The following TRHDE variants were observed in gnomAD, a reference collection of about 807,000 sequenced individuals.
TRHDE encodes the protein thyrotropin-releasing hormone-degrading ectoenzyme.
In TRHDE, 72 loss-of-function variants were observed where a neutral mutation model predicts 125.7. The ratio of observed to expected loss-of-function variants is 0.57; its 90% CI spans 0.47 to 0.70. The LOEUF (loss-of-function observed/expected upper bound fraction) is 0.70. TRHDE is among the 30% of genes least tolerant of loss of function. The probability of loss-of-function intolerance (pLI) is 0.00; values close to 1 mark genes in which losing one functional copy is unlikely to be tolerated. For missense variants in TRHDE, 1,110 were observed against 1,327.1 expected (o/e 0.84, Z 2.54); for synonymous variants, 509 against 509.1 (o/e 1.00, Z 0.00).
At chr12:72,107,034 T>C (rs2139292663) in intron 2 of TRHDE, among the ~76,000 whole-genome samples, 1 of 152,092 alleles carries the variant, frequency 6.6e-6, no homozygotes, top group South Asian at 2.1e-4. Context: ...TCAAGCCAAG[T>C]GCTGGAATTG....
At chr12:72,518,244 G>T (rs1360307874) in intron 6 of TRHDE, among the ~76,000 whole-genome samples, 3 of 146,448 alleles carry the variant, frequency 2.0e-5, no homozygotes, top group East Asian at 4.0e-4. Flanking sequence ...TGACAGTGGG[G>T]TGTTAAAGTC....
chr12:72,318,593 G>A (rs1474169484), intron 2 of TRHDE, among the ~76,000 whole-genome samples: 1 of 152,114 alleles, frequency 6.6e-6, no homozygotes, highest in Non-Finnish European at 1.5e-5. Context: ...TGAGTGTGAG[G>A]CTAACTCCCA....
intron 2 of TRHDE, among the ~76,000 whole-genome samples, chr12:72,314,050 G>T (rs1440677443): frequency 6.6e-6 from 1 of 152,140 alleles, no homozygotes; most frequent in Admixed American, 6.6e-5. Context: ...GGATAATAAA[G>T]TTATGTTTCT....
intron 6 of TRHDE, among the ~76,000 whole-genome samples, chr12:72,522,118 C>T (rs1868262170): frequency 6.6e-6 from 1 of 152,166 alleles, no homozygotes; most frequent in Admixed American, 6.5e-5. Context: ...GATGAGGACA[C>T]TGAGGCAGTA....
chr12:72,435,730 T>A (rs1270564623), intron 3 of TRHDE, among the ~76,000 whole-genome samples: 1 of 151,730 alleles, frequency 6.6e-6, no homozygotes, highest in Non-Finnish European at 1.5e-5. Flanking sequence ...TTTTTCATAA[T>A]TCTTTGGGGA....
At chr12:72,659,788 T>G (rs1469721) in intron 18 of TRHDE, among the ~76,000 whole-genome samples, 22,191 of 152,174 alleles carry the variant, frequency 0.15, 2,209 homozygotes, top group East Asian at 0.54. Flanking sequence ...AATAAAATCA[T>G]ATCATGGTAT....
intron 12 of TRHDE, among the ~76,000 whole-genome samples, chr12:72,580,262 T>A (rs1855154074): frequency 6.6e-6 from 1 of 152,208 alleles, no homozygotes; most frequent in Non-Finnish European, 1.5e-5. Flanking sequence ...TATTTCCTCA[T>A]TTTTGAAAAG....
intron 2 of TRHDE, among the ~76,000 whole-genome samples, chr12:72,243,063 T>C (rs1878513671): frequency 6.6e-6 from 1 of 152,178 alleles, no homozygotes; most frequent in Non-Finnish European, 1.5e-5. Context: ...ATGTGACATC[T>C]GGGACTACTG....
intron 3 of TRHDE, among the ~76,000 whole-genome samples, chr12:72,408,456 A>AAAG (rs1491057832): frequency 6.6e-6 from 1 of 152,330 alleles, no homozygotes; most frequent in African/African-American, 2.4e-5. Flanking sequence ...CTTTATCCTT[A>AAAG]AAGAGTACCT....
At chr12:72,614,330 A>ATATATATATATATAT (rs531067163) in intron 12 of TRHDE, among the ~76,000 whole-genome samples, 2 of 129,860 alleles carry the variant, frequency 1.5e-5, no homozygotes, top group African/African-American at 6.1e-5. Context: ...ATATATATAT[A>ATATATATATATATAT]TTTTTTTTTT....
chr12:72,632,093 A>G (rs1029769551), intron 15 of TRHDE, among the ~76,000 whole-genome samples: 5 of 152,010 alleles, frequency 3.3e-5, no homozygotes, highest in African/African-American at 1.2e-4. Flanking sequence ...GTAGCCTAAT[A>G]TAATCCAGTG....
At chr12:72,152,920 T>C (rs1876404945) in intron 2 of TRHDE, among the ~76,000 whole-genome samples, 1 of 152,230 alleles carries the variant, frequency 6.6e-6, no homozygotes, top group Non-Finnish European at 1.5e-5. Context: ...TAAAATGAGT[T>C]AGGGAGGATT....
intron 2 of TRHDE, among the ~76,000 whole-genome samples, chr12:72,352,926 G>A (rs1294896122): frequency 3.3e-5 from 5 of 150,734 alleles, no homozygotes. Flanking sequence ...GAGAAAATTT[G>A]ACAGAATTTG....
intron 2 of TRHDE, among the ~76,000 whole-genome samples, chr12:72,182,703 G>A (rs905333231): frequency 1.3e-5 from 2 of 152,172 alleles, no homozygotes; most frequent in Non-Finnish European, 1.5e-5. Flanking sequence ...AAAAGAAAGA[G>A]AATCAACAAA....
chr12:72,395,239 G>A (rs937503882), intron 3 of TRHDE, among the ~76,000 whole-genome samples: 19 of 151,892 alleles, frequency 1.3e-4, no homozygotes, highest in Non-Finnish European at 2.1e-4. Context: ...CTGAAACACT[G>A]ACTTTCCATC....
In TRHDE at chr12:72,473,153, A is replaced by T; in HGVS notation, c.1557A>T (p.Thr519=). 6.2e-7 allele frequency: 1 copy of T among 1,613,958 alleles called. No homozygotes were observed. Among genetic ancestry groups the T allele is most frequent in the Non-Finnish European group, 8.5e-7 (1 of 1,179,860 alleles). The change falls in exon 5 of 19, where the codon ACA becomes ACT. Residue 519 remains threonine (T), a synonymous_variant. Transcript: ENST00000261180. ...CTCACTACTTTGAATTTGTTGGTACAGACTACCTCTATCCTGGCTGGAACA... is the reference window on the plus strand; with the variant it reads ...CTCACTACTTTGAATTTGTTGGTACTGACTACCTCTATCCTGGCTGGAACA... ...GFAHYFEFVG[T]DYLYPGWNME...
At chr12:72,646,227 G>T (rs775156053) in intron 15 of TRHDE, among the ~76,000 whole-genome samples, 14 of 152,024 alleles carry the variant, frequency 9.2e-5, no homozygotes, top group Non-Finnish European at 1.8e-4. Context: ...GTGAGGACAG[G>T]AGTTAAATTG....
At chr12:72,615,497 T>A (rs1195685286) in intron 12 of TRHDE, among the ~76,000 whole-genome samples, 1 of 152,142 alleles carries the variant, frequency 6.6e-6, no homozygotes, top group Non-Finnish European at 1.5e-5. Flanking sequence ...ACATCTGAGC[T>A]AGGTAACCGA....
At chr12:72,136,164 A>G (rs1875980855) in intron 2 of TRHDE, among the ~76,000 whole-genome samples, 1 of 152,124 alleles carries the variant, frequency 6.6e-6, no homozygotes, top group South Asian at 2.1e-4. Context: ...AATATAAGCA[A>G]CTCTGTGCTA....
Sources: allele counts gnomAD v4.1 joint callset (sites outside exome capture counted in the v4.1 genomes callset), GRCh38; gene constraint gnomAD v4.1.1; transcripts MANE v1.5; gene names NCBI Gene and HGNC (gene_info 2026-07-23, HGNC 2026-07-21).